DGKG: variants seen among roughly 807,000 people sequenced by gnomAD.
DGKG encodes diacylglycerol kinase gamma, also known as DAG kinase gamma.
DGKG carries 78 observed loss-of-function variants against 105.3 expected under a neutral mutation model. That is an observed-to-expected ratio of 0.74 (90% confidence interval 0.62 to 0.89). The LOEUF (loss-of-function observed/expected upper bound fraction) is 0.89, where lower values mean the gene tolerates loss of function less well. Among genes scored for constraint, DGKG ranks in the 40% least tolerant of loss-of-function variants. The pLI is 0.00. For synonymous variants in DGKG, 346 were observed against 367.1 expected, an observed-to-expected ratio of 0.94 and a Z score of 0.66; for missense variants, 958 against 1,020.1, an observed-to-expected ratio of 0.94 and a Z score of 0.83.
In DGKG at chr3:186,164,996, T is replaced by C. The variant is rs1325855730; in HGVS notation, c.2118A>G (p.Glu706=). 1 of 1,613,804 alleles carries C rather than the reference T, an allele frequency of 6.2e-7. No individual in the cohort carries two copies. The highest frequency in any genetic ancestry group is 1.7e-5 in the Admixed American group (1 of 59,986). Residue 706 remains glutamate (E), a synonymous_variant, in exon 23 of 25, where the codon GAA becomes GAG. Transcript: ENST00000265022. ...CVQDLSDQLL[E]VVGLEGAMEM... The stretch of plus-strand genomic sequence containing the variant: ...CCATGGCTCCTTCTAGCCCCACCAC[T>C]TCAAGGAGCTGGTCACTGAGGTCTG...
chr3:186,166,569 G>T (rs1716556694), intron 22 of DGKG, among the ~76,000 whole-genome samples: 2 of 152,118 alleles, frequency 1.3e-5, no homozygotes, highest in African/African-American at 4.8e-5. Context: ...AATAACGTTG[G>T]ATGGTCTAGC....
intron 24 of DGKG, among the ~76,000 whole-genome samples, chr3:186,155,971 T>G (rs546472467): frequency 6.6e-6 from 1 of 152,224 alleles, no homozygotes; most frequent in African/African-American, 2.4e-5. Flanking sequence ...TTCTATGAAT[T>G]CTCTGTTCAC....
intron 22 of DGKG, among the ~76,000 whole-genome samples, chr3:186,180,249 G>A (rs1031541242): frequency 3.3e-5 from 5 of 152,144 alleles, no homozygotes; most frequent in African/African-American, 4.8e-5. Flanking sequence ...GGAAGGATGT[G>A]TAAAGATGGG....
At chr3:186,300,383 C>G (rs1028082964) in intron 3 of DGKG, among the ~76,000 whole-genome samples, 1 of 152,176 alleles carries the variant, frequency 6.6e-6, no homozygotes. Context: ...AGCCCATTAC[C>G]TCTGAAACTG....
At chr3:186,172,477 T>G (rs1316190680) in intron 22 of DGKG, among the ~76,000 whole-genome samples, 1 of 152,216 alleles carries the variant, frequency 6.6e-6, no homozygotes, top group African/African-American at 2.4e-5. Flanking sequence ...GCCCCATACC[T>G]TAGAGCATCT....
intron 21 of DGKG, among the ~76,000 whole-genome samples, chr3:186,188,791 T>G (rs1717766046): frequency 6.6e-6 from 1 of 152,012 alleles, no homozygotes; most frequent in Non-Finnish European, 1.5e-5. Context: ...ATTCAGAACA[T>G]AACAAATGAC....
intron 11 of DGKG, 87 bp from the exon 12 acceptor site, chr3:186,269,004 G>T: frequency 2.2e-6 from 2 of 899,800 alleles, no homozygotes; most frequent in Non-Finnish European, 3.6e-6. Context: ...TCTGGGAGGG[G>T]ACGCGGGGGA....
At chr3:186,157,305 G>A (rs935801838) in intron 24 of DGKG, among the ~76,000 whole-genome samples, 8 of 151,904 alleles carry the variant, frequency 5.3e-5, no homozygotes, top group African/African-American at 1.9e-4. Flanking sequence ...ACTTTCCTTT[G>A]TTCCTTTAAT....
intron 1 of DGKG, among the ~76,000 whole-genome samples, chr3:186,327,643 G>C (rs186990619): frequency 6.6e-6 from 1 of 151,800 alleles, no homozygotes; most frequent in African/African-American, 2.4e-5. Flanking sequence ...GAACTCCTGG[G>C]CTCAAGTGAT....
chr3:186,344,578 C>G (rs1247108284), intron 1 of DGKG, among the ~76,000 whole-genome samples: 1 of 151,960 alleles, frequency 6.6e-6, no homozygotes, highest in Non-Finnish European at 1.5e-5. Flanking sequence ...ACAACAGACA[C>G]GGATTCTACT....
At chr3:186,339,824 C>G (rs78000294) in intron 1 of DGKG, among the ~76,000 whole-genome samples, 1 of 152,188 alleles carries the variant, frequency 6.6e-6, no homozygotes, top group South Asian at 2.1e-4. Flanking sequence ...GAGTATCACC[C>G]CAAGCTCCAA....
At chr3:186,175,698 G>T (rs889055432) in intron 22 of DGKG, among the ~76,000 whole-genome samples, 2 of 152,158 alleles carry the variant, frequency 1.3e-5, no homozygotes, top group Non-Finnish European at 2.9e-5. Flanking sequence ...CACAGACTCC[G>T]CAGCCTAGAG....
chr3:186,255,819 C>T (rs1413378319), intron 17 of DGKG, among the ~76,000 whole-genome samples: 3 of 151,912 alleles, frequency 2.0e-5, no homozygotes, highest in South Asian at 2.1e-4. Flanking sequence ...CATGGGGGGG[C>T]GCTGCAGAGC....
At chr3:186,252,322 A>C (rs1721266134) in intron 18 of DGKG, among the ~76,000 whole-genome samples, 1 of 152,188 alleles carries the variant, frequency 6.6e-6, no homozygotes, top group South Asian at 2.1e-4. Flanking sequence ...TTGCTTTGAC[A>C]CTGCCCACCA....
At chr3:186,221,943 C>T (rs1256273851) in intron 20 of DGKG, among the ~76,000 whole-genome samples, 2 of 152,222 alleles carry the variant, frequency 1.3e-5, no homozygotes, top group Non-Finnish European at 2.9e-5. Flanking sequence ...CTTCCCACTT[C>T]ATAAATGTTG....
chr3:186,220,625 G>A (rs1307483797), intron 20 of DGKG, among the ~76,000 whole-genome samples: 4 of 152,142 alleles, frequency 2.6e-5, no homozygotes, highest in Admixed American at 6.5e-5. Flanking sequence ...ATGCGCCACC[G>A]GTATGGCTGT....
chr3:186,245,709 C>T (rs183077222), intron 19 of DGKG, among the ~76,000 whole-genome samples: 2 of 152,172 alleles, frequency 1.3e-5, no homozygotes, highest in Non-Finnish European at 2.9e-5. Context: ...CATAGAGCCT[C>T]TTTCCTGAAC....
At chr3:186,264,555 C>A (rs537966918) in intron 14 of DGKG, among the ~76,000 whole-genome samples, 24 of 152,308 alleles carry the variant, frequency 1.6e-4, no homozygotes, top group South Asian at 1.2e-3. Flanking sequence ...TGAGCCACTG[C>A]GCCCGGCCTT....
intron 23 of DGKG, among the ~76,000 whole-genome samples, chr3:186,163,681 C>G (rs1309606487): frequency 6.6e-6 from 1 of 151,982 alleles, no homozygotes; most frequent in African/African-American, 2.4e-5. Context: ...TGGCTCACCC[C>G]CTCTGTTTCT....
Sources: gnomAD v4.1 joint callset for allele counts (sites outside exome capture counted in the v4.1 genomes callset) on GRCh38, gnomAD v4.1.1 for gene constraint, MANE v1.5 for transcripts, NCBI Gene and HGNC (gene_info 2026-07-23, HGNC 2026-07-21) for gene names.